DEPDC1B: variants seen among roughly 807,000 people sequenced by gnomAD.
DEPDC1B encodes the protein DEP domain containing 1B, also known as DEP domain-containing protein 1B.
Under a neutral mutation model 66.5 loss-of-function variants are expected in DEPDC1B, and 51 were observed. The ratio of observed to expected loss-of-function variants is 0.77; its 90% CI spans 0.61 to 0.97. DEPDC1B has a LOEUF of 0.97. Among genes scored for constraint, DEPDC1B ranks in the 50% least tolerant of loss-of-function variants. DEPDC1B has a pLI of 0.00. For synonymous variants in DEPDC1B, 226 were observed against 223.6 expected, an observed-to-expected ratio of 1.01 and a Z score of -0.10; for missense variants, 552 against 637.1, an observed-to-expected ratio of 0.87 and a Z score of 1.44.
intron 2 of DEPDC1B, among the ~76,000 whole-genome samples, chr5:60,670,161 G>A (rs1753996318): frequency 6.6e-6 from 1 of 152,196 alleles, no homozygotes; most frequent in Admixed American, 6.5e-5. Flanking sequence ...CAGGCGGGCA[G>A]ATCGCGAGGT....
At position 60,667,546 on chromosome 5, in the gene DEPDC1B, A is replaced by G. The variant is rs867448156; in HGVS notation, c.314+19416T>C. Among the ~76,000 whole-genome samples, 138 of 145,728 alleles carry G rather than the reference A, an allele frequency of 9.5e-4. 1 individual carries two copies. Among genetic ancestry groups the G allele is most frequent in the Middle Eastern group, 0.011 (1 of 92 alleles). ...TGGATATTTTACATATATATAAAAA[A>G]TGGATATTTTACATATATAAAAAAG... is the stretch of plus-strand genomic sequence containing the variant. On this transcript the variant is annotated intron_variant, in intron 2 of 10. Coordinates refer to ENST00000265036, the MANE Select transcript of DEPDC1B (RefSeq NM_018369.3).
chr5:60,697,824 T>C (rs558504993), intron 1 of DEPDC1B, among the ~76,000 whole-genome samples: 5 of 152,332 alleles, frequency 3.3e-5, no homozygotes, highest in African/African-American at 1.2e-4. Flanking sequence ...AACCTAAATT[T>C]AGCCTGAATA....
At chr5:60,658,358 T>C (rs1328214903) in intron 2 of DEPDC1B, among the ~76,000 whole-genome samples, 1 of 152,172 alleles carries the variant, frequency 6.6e-6, no homozygotes, top group Non-Finnish European at 1.5e-5. Flanking sequence ...TTTTGGGGAG[T>C]GTTAAAGAAC....
chr5:60,598,646 A>C (rs1312505335), intron 10 of DEPDC1B, among the ~76,000 whole-genome samples: 2 of 152,216 alleles, frequency 1.3e-5, no homozygotes, highest in Admixed American at 1.3e-4. Context: ...GCAAGAAACT[A>C]ATTTGATAGT....
chr5:60,625,415 G>A lies in DEPDC1B; in HGVS notation c.898+13335C>T, dbSNP rs540083795. 3.3e-5 allele frequency among the ~76,000 whole-genome samples: 5 copies of A among 152,210 alleles called. No individual in the cohort carries two copies. The East Asian group carries it at 5.8e-4, about 18-fold the overall frequency. On this transcript the variant is annotated intron_variant, in intron 7 of 10. Coordinates refer to ENST00000265036, the MANE Select transcript of DEPDC1B (RefSeq NM_018369.3). ...TCCTCTCCAGCATCCGTTGTTTCCT[G>A]ACTTTTTAATAATCACCATTCTAAC... is the stretch of plus-strand genomic sequence containing the variant.
chr5:60,633,137 G>T (rs1752962222), intron 7 of DEPDC1B, among the ~76,000 whole-genome samples: 1 of 152,162 alleles, frequency 6.6e-6, no homozygotes, highest in Non-Finnish European at 1.5e-5. Flanking sequence ...TGAGGCTAGG[G>T]GATAACTTGC....
chr5:60,638,496 A>G (rs1194679270), intron 7 of DEPDC1B, among the ~76,000 whole-genome samples: 1 of 152,224 alleles, frequency 6.6e-6, no homozygotes, highest in Non-Finnish European at 1.5e-5. Flanking sequence ...AATAAAAGTG[A>G]CATACAACAT....
intron 2 of DEPDC1B, among the ~76,000 whole-genome samples, chr5:60,677,848 A>C (rs1298127935): frequency 1.3e-5 from 2 of 152,246 alleles, no homozygotes; most frequent in Non-Finnish European, 2.9e-5. Flanking sequence ...GTAAAAACAA[A>C]AGAAAAATAA....
At chr5:60,678,395 C>T (rs1376182176) in intron 2 of DEPDC1B, among the ~76,000 whole-genome samples, 1 of 152,130 alleles carries the variant, frequency 6.6e-6, no homozygotes. Context: ...TTTGTGTAAA[C>T]ATTGTTTTTG....
intron 2 of DEPDC1B, among the ~76,000 whole-genome samples, chr5:60,672,838 T>C (rs1754072806): frequency 6.6e-6 from 1 of 152,170 alleles, no homozygotes; most frequent in African/African-American, 2.4e-5. Flanking sequence ...AGTCCTTCCA[T>C]ACTAAGCTCA....
chr5:60,599,277 A>C lies in DEPDC1B; in HGVS notation c.1243-17T>G. 1 of 1,559,336 alleles carries C rather than the reference A, an allele frequency of 6.4e-7. No homozygotes were observed. Among genetic ancestry groups the C allele is most frequent in the South Asian group, 1.2e-5 (1 of 81,860 alleles). ...GTATTTTATCTGAGGCAAAAGGATT[A>C]GTAGTGAAAGAATATAGCATATTTT... is the stretch of plus-strand genomic sequence containing the variant. On this transcript the variant is annotated splice_polypyrimidine_tract_variant and intron_variant, in intron 9 of 10. Transcript: ENST00000265036.
chr5:60,644,314 A>G (rs1210936455), intron 5 of DEPDC1B, among the ~76,000 whole-genome samples: 16 of 152,206 alleles, frequency 1.1e-4, no homozygotes, highest in Admixed American at 1.0e-3. Context: ...AACATTTCAA[A>G]AACTACCTTA....
chr5:60,668,000 T>A (rs1177353489), intron 2 of DEPDC1B, among the ~76,000 whole-genome samples: 1 of 111,286 alleles, frequency 9.0e-6, no homozygotes, highest in Non-Finnish European at 1.7e-5. Flanking sequence ...ATTATATATA[T>A]AAAATGGATA....
In DEPDC1B at chr5:60,601,693, G is replaced by A. The variant is rs7703399; in HGVS notation, c.1242+1698C>T. 3.0e-3 allele frequency among the ~76,000 whole-genome samples: 462 copies of A among 152,196 alleles called. 8 individuals are homozygous for A. The highest frequency in any genetic ancestry group is 0.011 in the African/African-American group (445 of 41,496). On this transcript the variant is annotated intron_variant, in intron 9 of 10. Coordinates refer to ENST00000265036, the MANE Select transcript of DEPDC1B (RefSeq NM_018369.3). The stretch of plus-strand genomic sequence containing the variant: ...ATAAATTATGGTATATCCATATTAT[G>A]GAATACTATGTTGCCAATAATATTA...
At chr5:60,668,640 C>T (rs1376096624) in intron 2 of DEPDC1B, among the ~76,000 whole-genome samples, 2 of 152,056 alleles carry the variant, frequency 1.3e-5, no homozygotes, top group African/African-American at 4.8e-5. Context: ...AAAGGCAAAA[C>T]ACATGAACCA....
In DEPDC1B at chr5:60,667,953, ATATATATAATGGATATTT is replaced by A. The variant is rs1365115491; in HGVS notation, c.314+18991_314+19008del. Reference sequence around the variant, plus strand: ...TATATATATATAAAATGGATATTTTATATATATAATGGATATTTTATATATATAAAATGGATATTATAT... The same window carrying A: ...TATATATATATAAAATGGATATTTTATATATATATAAAATGGATATTATAT... On this transcript the variant is annotated intron_variant, in intron 2 of 10. Coordinates refer to ENST00000265036, the MANE Select transcript of DEPDC1B (RefSeq NM_018369.3). 1.7e-4 allele frequency among the ~76,000 whole-genome samples: 21 copies of A among 124,490 alleles called. 3 individuals carry two copies. The highest frequency in any genetic ancestry group is 3.8e-4 in the Admixed American group (4 of 10,606). The allele number at this position is 124,490 out of a possible 152,430, so 81.7% of individuals were successfully genotyped here. A position where few individuals can be genotyped will look rare whatever the true frequency, so the allele number is the denominator to read the frequency against.
intron 1 of DEPDC1B, among the ~76,000 whole-genome samples, chr5:60,690,162 T>C (rs1439774199): frequency 6.6e-6 from 1 of 152,242 alleles, no homozygotes; most frequent in Admixed American, 6.5e-5. Context: ...GCATTTTATA[T>C]ACTTATAAAC....
rs1752116018 is a variant in DEPDC1B at position 60,597,328 on chromosome 5, A to T, written c.*425T>A. On this transcript the variant is annotated 3_prime_UTR_variant, in exon 11 of 11. Transcript: ENST00000265036. ...ACTAAGTCAATAGCATCACAGTAAC[A>T]GTACCCAGTGTCTTTCTTATTCAAG... 6.4e-6 allele frequency: 1 copy of T among 155,310 alleles called. No individual in the cohort carries two copies. The highest frequency in any genetic ancestry group is 1.4e-5 in the Non-Finnish European group (1 of 70,060). 9.6% of individuals were successfully genotyped at this position (155,310 alleles called of 1,614,324 possible). A position where few individuals can be genotyped will look rare whatever the true frequency, so the allele number is the denominator to read the frequency against.
At chr5:60,637,874 T>C (rs1753094001) in intron 7 of DEPDC1B, among the ~76,000 whole-genome samples, 1 of 152,216 alleles carries the variant, frequency 6.6e-6, no homozygotes, top group African/African-American at 2.4e-5. Flanking sequence ...TATTTACATA[T>C]TGCTGATACT....
Sources: gnomAD v4.1 joint callset for allele counts (sites outside exome capture counted in the v4.1 genomes callset) on GRCh38, gnomAD v4.1.1 for gene constraint, MANE v1.5 for transcripts, NCBI Gene and HGNC (gene_info 2026-07-23, HGNC 2026-07-21) for gene names.